The following ACKR5 variants were observed in gnomAD, a reference collection of about 807,000 sequenced individuals.
ACKR5 encodes the protein atypical chemokine receptor 5.
At chr12:56,996,567 GAGAC>G in the ACKR5 span, 1 of 715,014 alleles carries the variant, frequency 1.4e-6, no homozygotes, top group Non-Finnish European at 2.3e-6. Context: ...TGTGGAGAGA[GAGAC>G]AGGATCAGGA....
At chr12:56,995,344 G>A in the ACKR5 span, 2 of 1,614,232 alleles carry the variant, frequency 1.2e-6, no homozygotes, top group Non-Finnish European at 1.7e-6. The surrounding 1 kb of genome is among the most constrained non-coding windows in gnomAD (Gnocchi z 4.7). Context: ...AGTGCCACGT[G>A]GAGCTCAGCC....
At chr12:56,998,001 TG>T in the ACKR5 span, 9 of 152,350 alleles carry the variant, frequency 5.9e-5, no homozygotes, top group Non-Finnish European at 1.2e-4. Flanking sequence ...ACCAGGAGTC[TG>T]GGTTGTGGCT....
chr12:56,996,656 G>C, the ACKR5 span: 1 of 478,180 alleles, frequency 2.1e-6, no homozygotes, highest in Non-Finnish European at 3.8e-6. Context: ...CAGAAAAAAA[G>C]GTGAAATAAA....
the ACKR5 span, chr12:56,996,790 A>C: frequency 5.1e-6 from 1 of 197,044 alleles, no homozygotes; most frequent in Non-Finnish European, 1.0e-5. Context: ...TTCATAAATC[A>C]CTCTGGCTGG....
At chr12:56,995,207 C>T in the ACKR5 span, 9 of 1,610,874 alleles carry the variant, frequency 5.6e-6, no homozygotes, top group Non-Finnish European at 7.6e-6. The surrounding 1 kb of genome is among the most constrained non-coding windows in gnomAD (Gnocchi z 4.7). Context: ...TGTGCTGGTC[C>T]CAATGTCAGT....
At chr12:56,996,430 A>C in the ACKR5 span, 1 of 1,560,494 alleles carries the variant, frequency 6.4e-7, no homozygotes, top group South Asian at 1.2e-5. Context: ...GCTGAGGTAG[A>C]GGCCAGACTC....
chr12:56,996,456 A>G, the ACKR5 span: 2 of 1,532,458 alleles, frequency 1.3e-6, no homozygotes, highest in Non-Finnish European at 1.8e-6. Flanking sequence ...ACAGTGAAGG[A>G]AAAGGCACAG....
At chr12:56,996,383 A>C in the ACKR5 span, 2 of 1,602,572 alleles carry the variant, frequency 1.2e-6, no homozygotes, top group East Asian at 4.5e-5. Flanking sequence ...GCTTCCAAAT[A>C]CTTCCCCCAT....
At chr12:56,995,244 C>T in the ACKR5 span, 33 of 1,613,742 alleles carry the variant, frequency 2.0e-5, no homozygotes, top group East Asian at 4.5e-5. This position sits in a 1 kb window ranked among gnomAD's most constrained non-coding sequence, Gnocchi z 4.7. Context: ...CCTGGCCCCT[C>T]GGAGGGGGTC....
the ACKR5 span, chr12:56,996,335 C>A: frequency 4.0e-5 from 65 of 1,614,076 alleles, no homozygotes; most frequent in Non-Finnish European, 5.1e-5. Context: ...AGCAGCCCCC[C>A]ACCCTGAGCC....
At chr12:56,995,751 CG>C in the ACKR5 span, 1 of 1,613,928 alleles carries the variant, frequency 6.2e-7, no homozygotes, top group Non-Finnish European at 8.5e-7. This position sits in a 1 kb window ranked among gnomAD's most constrained non-coding sequence, Gnocchi z 4.7. Context: ...TGGGTCCTCT[CG>C]GCCATCATCC....
the ACKR5 span, chr12:56,995,530 C>T: frequency 8.1e-6 from 13 of 1,613,936 alleles, no homozygotes; most frequent in South Asian, 2.2e-5. The surrounding 1 kb of genome is among the most constrained non-coding windows in gnomAD (Gnocchi z 4.7). Flanking sequence ...TGTCTCTGCC[C>T]GTGTGGATGC....
chr12:56,996,681 A>ATGGAC, the ACKR5 span: 1 of 435,218 alleles, frequency 2.3e-6, no homozygotes, highest in Non-Finnish European at 4.2e-6. Context: ...AGAGATAGCC[A>ATGGAC]TGGACTCTGG....
At chr12:56,995,799 G>A in the ACKR5 span, 2 of 1,614,102 alleles carry the variant, frequency 1.2e-6, no homozygotes, top group Non-Finnish European at 1.7e-6. The surrounding 1 kb of genome is among the most constrained non-coding windows in gnomAD (Gnocchi z 4.7). Context: ...CTGGTGGAGG[G>A]CCCTGAGCCC....
At chr12:56,998,845 T>C in the ACKR5 span, 2 of 152,674 alleles carry the variant, frequency 1.3e-5, no homozygotes, top group Admixed American at 6.5e-5. Flanking sequence ...ATTTCAAATT[T>C]CTTTTTTTAT....
the ACKR5 span, chr12:56,995,381 G>A: frequency 1.2e-6 from 2 of 1,614,190 alleles, no homozygotes; most frequent in South Asian, 2.2e-5. The surrounding 1 kb of genome is among the most constrained non-coding windows in gnomAD (Gnocchi z 4.7). Flanking sequence ...GGTCCTCTTT[G>A]CCCTCTACCT....
the ACKR5 span, chr12:56,995,195 C>T: frequency 1.4e-5 from 23 of 1,605,434 alleles, no homozygotes; most frequent in Middle Eastern, 1.7e-4. The surrounding 1 kb of genome is among the most constrained non-coding windows in gnomAD (Gnocchi z 4.7). Context: ...TCCCAATAGG[C>T]GTGTGCTGGT....
the ACKR5 span, chr12:56,994,649 G>C: frequency 6.4e-6 from 1 of 155,242 alleles, no homozygotes; most frequent in African/African-American, 2.4e-5. Flanking sequence ...GGAAACTCAG[G>C]TGAGTGTCGC....
the ACKR5 span, chr12:56,996,374 C>T: frequency 6.2e-7 from 1 of 1,605,266 alleles, no homozygotes; most frequent in South Asian, 1.1e-5. Context: ...ACACCATTTG[C>T]TTCCAAATAC....
Sources: allele counts gnomAD v4.1 joint callset, GRCh38; gene constraint gnomAD v4.1.1; non-coding constraint Gnocchi (gnomAD v3.1); transcripts MANE v1.5; gene names NCBI Gene and HGNC (gene_info 2026-07-23, HGNC 2026-07-21).